FAM107B: variants seen among roughly 807,000 people sequenced by gnomAD.
FAM107B encodes the protein family with sequence similarity 107 member B.
A neutral mutation model predicts 31.5 loss-of-function variants in FAM107B; 21 were observed. The observed-to-expected ratio is 0.67, with a 90% CI of 0.47 to 0.96. FAM107B has a LOEUF of 0.96. Ranked by LOEUF, FAM107B falls within the 40% of genes least tolerant of loss-of-function variation. FAM107B has a pLI of 0.00. For missense variants in FAM107B, 452 were observed against 377.1 expected, an observed-to-expected ratio of 1.20 and a Z score of -1.64; for synonymous variants, 157 against 141.5, an observed-to-expected ratio of 1.11 and a Z score of -0.78.
chr10:14,715,732 G>A (rs1417705880), intron 1 of FAM107B, among the ~76,000 whole-genome samples: 1 of 152,160 alleles, frequency 6.6e-6, no homozygotes, highest in Non-Finnish European at 1.5e-5. Context: ...CCTGCCCTTG[G>A]ACATCAGCAC....
chr10:14,546,027 A>G (rs1332295648), intron 2 of FAM107B, among the ~76,000 whole-genome samples: 1 of 152,232 alleles, frequency 6.6e-6, no homozygotes, highest in East Asian at 1.9e-4. Flanking sequence ...GAGCTGACTA[A>G]TAATTCCGTA....
intron 1 of FAM107B, among the ~76,000 whole-genome samples, chr10:14,709,862 T>G (rs145689170): frequency 6.6e-6 from 1 of 152,270 alleles, no homozygotes; most frequent in East Asian, 1.9e-4. Context: ...TACGACATTC[T>G]GAAAAGCGCA....
chr10:14,676,118 G>A (rs992191297), intron 1 of FAM107B, among the ~76,000 whole-genome samples: 2 of 152,112 alleles, frequency 1.3e-5, no homozygotes, highest in Non-Finnish European at 2.9e-5. Flanking sequence ...AAGATCATGC[G>A]ACTGCACTCC....
chr10:14,672,324 T>G (rs1011171382), intron 1 of FAM107B, among the ~76,000 whole-genome samples: 4 of 152,026 alleles, frequency 2.6e-5, no homozygotes, highest in African/African-American at 9.7e-5. Context: ...CTAACCTCAG[T>G]TGATCTGCCC....
intron 1 of FAM107B, among the ~76,000 whole-genome samples, chr10:14,695,624 G>C (rs999133610): frequency 3.3e-5 from 5 of 152,136 alleles, no homozygotes; most frequent in African/African-American, 7.2e-5. Context: ...CCATGAGCAG[G>C]AGAGATTTTT....
At chr10:14,733,778 A>C (rs1309165423) in intron 1 of FAM107B, among the ~76,000 whole-genome samples, 1 of 152,200 alleles carries the variant, frequency 6.6e-6, no homozygotes, top group African/African-American at 2.4e-5. Flanking sequence ...AATAGCCAAG[A>C]CTCAAGTCCA....
chr10:14,541,427 C>G (rs1023969352), intron 2 of FAM107B, among the ~76,000 whole-genome samples: 10 of 152,208 alleles, frequency 6.6e-5, no homozygotes, highest in African/African-American at 2.4e-4. Flanking sequence ...CCAGTACACA[C>G]CAAGCCCGTG....
intron 1 of FAM107B, among the ~76,000 whole-genome samples, chr10:14,755,874 G>A (rs1832920378): frequency 6.6e-6 from 1 of 152,148 alleles, no homozygotes; most frequent in South Asian, 2.1e-4. Flanking sequence ...ATTTTACTCT[G>A]AAAGTTTAAG....
At position 14,774,416 on chromosome 10, in the gene FAM107B, G is replaced by A. The variant is rs867192015; in HGVS notation, c.248C>T (p.Ala83Val). The change falls in exon 1 of 5, where the codon GCA becomes GTA. Residue 83 changes from alanine to valine, a missense_variant. Transcript: ENST00000181796. ...PEKRQDSSTHAERNGSANRNS... is the reference protein window; with the variant it reads ...PEKRQDSSTHVERNGSANRNS... Reference sequence around the variant, plus strand: ...CCGATTCGCACTGCCATTTCTCTCTGCATGGGTGCTCGAATCTTGCCTTTT... The same window carrying A: ...CCGATTCGCACTGCCATTTCTCTCTACATGGGTGCTCGAATCTTGCCTTTT... The A allele has an allele frequency of 1.2e-6, 2 of 1,614,092 alleles. No homozygotes were observed. Among genetic ancestry groups the A allele is most frequent in the Admixed American group, 1.7e-5 (1 of 60,008 alleles).
intron 2 of FAM107B, among the ~76,000 whole-genome samples, chr10:14,537,342 C>G (rs1325234072): frequency 2.6e-5 from 4 of 152,196 alleles, no homozygotes. Context: ...TCATACGGCC[C>G]ATGAGGCAGG....
chr10:14,698,160 T>A (rs76955589), intron 1 of FAM107B, among the ~76,000 whole-genome samples: 1,846 of 152,150 alleles, frequency 0.012, 41 homozygotes, highest in African/African-American at 0.042. Context: ...CACCAAGATT[T>A]AAAATAATGT....
At chr10:14,700,716 CTAAA>C (rs1408792896) in intron 1 of FAM107B, among the ~76,000 whole-genome samples, 2 of 150,326 alleles carry the variant, frequency 1.3e-5, no homozygotes, top group African/African-American at 4.9e-5. Context: ...TTGAAACAGA[CTAAA>C]TAACCATTTT....
rs139890234 is a variant in FAM107B, at chr10:14,527,485, C to G, written c.653+2847G>C. ...AACTGAACTGCCATAGAGCTTTGAG[C>G]TAAATTTGTAGCTATGCGTAGCAAA... On this transcript the variant is annotated intron_variant, in intron 3 of 4. Coordinates refer to ENST00000181796, the MANE Select transcript of FAM107B (RefSeq NM_031453.4). Among the ~76,000 whole-genome samples the G allele has an allele frequency of 6.4e-4, 98 of 152,360 alleles. 1 individual carries two copies. The highest frequency in any genetic ancestry group is 2.2e-3 in the African/African-American group (92 of 41,580).
chr10:14,544,972 G>C (rs540632202), intron 2 of FAM107B, among the ~76,000 whole-genome samples: 3 of 152,290 alleles, frequency 2.0e-5, no homozygotes, highest in East Asian at 3.9e-4. Context: ...AGGGTCCGAG[G>C]CATCGGCACC....
At chr10:14,556,440 T>C (rs1447305666) in intron 2 of FAM107B, 3 of 984,534 alleles carry the variant, frequency 3.0e-6, no homozygotes, top group Non-Finnish European at 3.6e-6. Context: ...GCACTCAGCA[T>C]GCCAGAGAGC....
intron 1 of FAM107B, among the ~76,000 whole-genome samples, chr10:14,685,150 T>TA (rs1564625160): frequency 2.0e-5 from 3 of 147,454 alleles, no homozygotes; most frequent in African/African-American, 7.5e-5. Context: ...TTATTTTTTT[T>TA]TTTTTTTTTT....
rs187105593 is a variant in FAM107B at position 14,551,263 on chromosome 10, T to C, written c.470-20748A>G. On this transcript the variant is annotated intron_variant, in intron 2 of 4. Coordinates refer to ENST00000181796, the MANE Select transcript of FAM107B (RefSeq NM_031453.4). ...CCCAGTTTTAAGCGATTCTCCTGCC[T>C]CAGCCTCCTGAGTAGCTGGGACTAC... Among the ~76,000 whole-genome samples, 298 of 152,294 alleles carry C rather than the reference T, an allele frequency of 2.0e-3. 1 individual carries two copies. Among genetic ancestry groups the C allele is most frequent in the African/African-American group, 7.0e-3 (291 of 41,544 alleles).
chr10:14,666,112 G>A, intron 2 of FAM107B, among the ~76,000 whole-genome samples: 1 of 152,160 alleles, frequency 6.6e-6, no homozygotes, highest in Non-Finnish European at 1.5e-5. Context: ...GACTGGTAAT[G>A]TCCCTGCTCT....
At chr10:14,582,431 C>T (rs1851667894) in intron 2 of FAM107B, among the ~76,000 whole-genome samples, 1 of 127,806 alleles carries the variant, frequency 7.8e-6, no homozygotes, top group African/African-American at 3.0e-5. Context: ...GGCTGGAGTG[C>T]AGTGGCACAA....
Sources: allele counts gnomAD v4.1 joint callset (sites outside exome capture counted in the v4.1 genomes callset), GRCh38; gene constraint gnomAD v4.1.1; transcripts MANE v1.5; gene names NCBI Gene and HGNC (gene_info 2026-07-23, HGNC 2026-07-21).